Variants in ADAMTSL1 observed in about 807,000 individuals in gnomAD.
The protein encoded by ADAMTSL1 is ADAMTS like 1.
ADAMTSL1 carries 126 observed loss-of-function variants against 201.8 expected under a neutral mutation model. That is an observed-to-expected ratio of 0.62 (90% CI 0.54 to 0.72). ADAMTSL1 has a LOEUF of 0.72. ADAMTSL1 is among the 30% of genes least tolerant of loss of function. ADAMTSL1 has a pLI of 0.00. For synonymous variants in ADAMTSL1, 1,121 were observed against 903.4 expected (o/e 1.24, Z -4.32); for missense variants, 2,679 against 2,277.8 (o/e 1.18, Z -3.59).
At chr9:18,027,432 ATTT>A (rs552237153) in intron 1 of ADAMTSL1, among the ~76,000 whole-genome samples, 4 of 146,224 alleles carry the variant, frequency 2.7e-5, no homozygotes, top group African/African-American at 9.9e-5. Flanking sequence ...TATTTCAAAG[ATTT>A]TTTTTTTTTT....
intron 1 of ADAMTSL1, among the ~76,000 whole-genome samples, chr9:18,056,393 C>G (rs898749560): frequency 1.3e-5 from 2 of 152,246 alleles, no homozygotes; most frequent in Middle Eastern, 3.4e-3. Flanking sequence ...TCCTGAGCCT[C>G]CAGTTATGGC....
chr9:18,470,698 A>G (rs777265135), upstream of ADAMTSL1, among the ~76,000 whole-genome samples: 1 of 152,166 alleles, frequency 6.6e-6, no homozygotes, highest in African/African-American at 2.4e-5. Flanking sequence ...GGAGAGAAAT[A>G]CCGAAAGTTT....
At chr9:18,818,656 G>C (rs1274831983) in intron 21 of ADAMTSL1, among the ~76,000 whole-genome samples, 2 of 152,210 alleles carry the variant, frequency 1.3e-5, no homozygotes, top group Non-Finnish European at 2.9e-5. Flanking sequence ...AGCCATGTGT[G>C]GTGACGCATG....
chr9:18,609,169 G>A (rs556529766), intron 4 of ADAMTSL1, among the ~76,000 whole-genome samples: 11 of 152,218 alleles, frequency 7.2e-5, no homozygotes, highest in South Asian at 4.1e-4. Flanking sequence ...ATAGTTACTC[G>A]ATTGTATATA....
chr9:18,481,097 T>C (rs769017724), intron 1 of ADAMTSL1, among the ~76,000 whole-genome samples: 2 of 151,962 alleles, frequency 1.3e-5, no homozygotes, highest in African/African-American at 2.4e-5. Flanking sequence ...AAAATCAGAG[T>C]GAACAATTCA....
At chr9:18,596,173 A>G (rs1171525527) in intron 4 of ADAMTSL1, among the ~76,000 whole-genome samples, 1 of 152,228 alleles carries the variant, frequency 6.6e-6, no homozygotes, top group African/African-American at 2.4e-5. Flanking sequence ...AATTTTTAAA[A>G]AAGTTCTGCC....
chr9:18,897,903 T>G (rs1489481099), intron 26 of ADAMTSL1, among the ~76,000 whole-genome samples: 3 of 151,800 alleles, frequency 2.0e-5, no homozygotes, highest in Non-Finnish European at 4.4e-5. Context: ...GTAGGCTGGG[T>G]GTGGTGGCTC....
At chr9:18,353,082 T>C (rs1836047904) in intron 2 of ADAMTSL1, among the ~76,000 whole-genome samples, 2 of 152,230 alleles carry the variant, frequency 1.3e-5, no homozygotes, top group Admixed American at 6.5e-5. Context: ...GGTTCCTCTG[T>C]TATAGTGATT....
intron 2 of ADAMTSL1, among the ~76,000 whole-genome samples, chr9:18,279,746 A>T (rs992194702): frequency 6.6e-6 from 1 of 152,164 alleles, no homozygotes; most frequent in Non-Finnish European, 1.5e-5. Context: ...AATGTGAATT[A>T]AAAATGCAGT....
At chr9:18,082,297 G>C (rs1047670311) in intron 1 of ADAMTSL1, among the ~76,000 whole-genome samples, 6 of 152,148 alleles carry the variant, frequency 3.9e-5, no homozygotes, top group Non-Finnish European at 8.8e-5. Context: ...ATTTGCATCT[G>C]ATTATTTCCG....
chr9:18,535,564 C>G (rs1282038714), intron 3 of ADAMTSL1, among the ~76,000 whole-genome samples: 1 of 152,174 alleles, frequency 6.6e-6, no homozygotes, highest in Admixed American at 6.5e-5. Flanking sequence ...CTTATAGCAG[C>G]ACCCCACTCC....
intron 23 of ADAMTSL1, among the ~76,000 whole-genome samples, chr9:18,844,020 C>G (rs1169023189): frequency 6.6e-6 from 1 of 152,232 alleles, no homozygotes; most frequent in Non-Finnish European, 1.5e-5. Context: ...CGTCTGAAGA[C>G]TTCTTCTCTC....
chr9:17,943,849 G>C (rs1418329373), intron 1 of ADAMTSL1, among the ~76,000 whole-genome samples: 1 of 152,140 alleles, frequency 6.6e-6, no homozygotes, highest in Non-Finnish European at 1.5e-5. Context: ...CAGCCATCTG[G>C]TTGGCTTCTG....
intron 2 of ADAMTSL1, among the ~76,000 whole-genome samples, chr9:18,525,729 T>A (rs1818996663): frequency 6.6e-6 from 1 of 152,212 alleles, no homozygotes; most frequent in South Asian, 2.1e-4. Flanking sequence ...AGCAGGTTGT[T>A]CAGTTTCCAT....
intron 2 of ADAMTSL1, among the ~76,000 whole-genome samples, chr9:18,382,477 A>G (rs1837598250): frequency 6.6e-6 from 1 of 152,056 alleles, no homozygotes; most frequent in African/African-American, 2.4e-5. Flanking sequence ...TGGTAAGATT[A>G]CGTTTTTCTT....
intron 3 of ADAMTSL1, among the ~76,000 whole-genome samples, chr9:18,544,097 C>T (rs1268534585): frequency 2.0e-5 from 3 of 152,160 alleles, no homozygotes; most frequent in Non-Finnish European, 4.4e-5. Context: ...TTCAACTTCT[C>T]GTAGCCTCAG....
chr9:17,942,332 A>G (rs931630718), intron 1 of ADAMTSL1, among the ~76,000 whole-genome samples: 21 of 152,206 alleles, frequency 1.4e-4, no homozygotes, highest in African/African-American at 4.8e-4. Flanking sequence ...TCATGAAAGT[A>G]CTGATCAAAT....
intron 1 of ADAMTSL1, among the ~76,000 whole-genome samples, chr9:18,055,612 G>A (rs1299376761): frequency 1.3e-5 from 2 of 152,218 alleles, no homozygotes; most frequent in East Asian, 1.9e-4. Flanking sequence ...GTCTTTCAAA[G>A]TAACAACCAC....
At chr9:18,132,430 C>T (rs767065782) in intron 1 of ADAMTSL1, among the ~76,000 whole-genome samples, 1 of 152,142 alleles carries the variant, frequency 6.6e-6, no homozygotes, top group Non-Finnish European at 1.5e-5. Context: ...GAAACTCTAC[C>T]CATTGAACAG....
Sources: gnomAD v4.1 joint callset for allele counts (sites outside exome capture counted in the v4.1 genomes callset) on GRCh38, gnomAD v4.1.1 for gene constraint, MANE v1.5 for transcripts, NCBI Gene and HGNC (gene_info 2026-07-23, HGNC 2026-07-21) for gene names.